The following MUC5B variants were observed in gnomAD, a reference collection of about 807,000 sequenced individuals.
The protein encoded by MUC5B is mucin-5B.
In MUC5B, 116 loss-of-function variants were observed where a neutral mutation model predicts 376.9. The observed-to-expected ratio is 0.31, with a 90% CI of 0.26 to 0.36. The LOEUF is 0.36. Among genes scored for constraint, MUC5B ranks in the 10% least tolerant of loss-of-function variants. The pLI is 1.00. For missense variants in MUC5B, 7,165 were observed against 7,769.9 expected (o/e 0.92, Z 2.93); for synonymous variants, 3,517 against 3,390.9 (o/e 1.04, Z -1.29).
In MUC5B at chr11:1,249,171, G is replaced by C. The variant is rs201512746; in HGVS notation, c.12291G>C (p.Thr4097=). ...ACACCACGGCCACCTCCAGGACCAC[G>C]GCCACGGCCACACCCAGCAAGACCC... is the stretch of plus-strand genomic sequence containing the variant. ...PGHTTATSRT[T]ATATPSKTRT... is the part of the protein sequence containing the mutation. The change falls in exon 31 of 49, where the codon ACG becomes ACC. Residue 4097 remains threonine (T), a synonymous_variant. Transcript: ENST00000529681. 6.7e-7 allele frequency: 1 copy of C among 1,495,024 alleles called. No homozygotes were observed. Among genetic ancestry groups the C allele is most frequent in the African/African-American group, 1.4e-5 (1 of 69,916 alleles). 92.6% of individuals were successfully genotyped at this position (1,495,024 alleles called of 1,614,324 possible).
Position 1,261,863 on chromosome 11 carries a change from C to T in MUC5B, c.*255C>T. The T allele has an allele frequency of 1.5e-6, 1 of 686,368 alleles. No homozygotes were observed. Among genetic ancestry groups the T allele is most frequent in the Non-Finnish European group, 2.7e-6 (1 of 374,934 alleles). The allele number at this position is 686,368 out of a possible 1,614,324, so 42.5% of individuals were successfully genotyped here. ...TGTGGCCCACCTTGGCCTTGCCCCT[C>T]CCTGATGTCACTGGGACGCCCTGGA... On this transcript the variant is annotated 3_prime_UTR_variant, in exon 49 of 49. Transcript: ENST00000529681.
Position 1,257,933 on chromosome 11 carries a change from TG to T in MUC5B, c.16451-163del, listed in dbSNP as rs1862888206. ...CCTGCCCAGGAGTGGCCCAGGGACG[TG>T]GGAAGCAGCGGGGAGGTGGCCAAGC... is the stretch of plus-strand genomic sequence containing the variant. On this transcript the variant is annotated intron_variant, in intron 41 of 48. Transcript: ENST00000529681. This position sits in a 1 kb window ranked among gnomAD's most constrained non-coding sequence, Gnocchi z 8.9. Among the ~76,000 whole-genome samples, 1 of 151,956 alleles carries T rather than the reference TG, an allele frequency of 6.6e-6. No individual in the cohort carries two copies. The highest frequency in any genetic ancestry group is 2.1e-4 in the South Asian group (1 of 4,798).
rs1236948511 is a variant in MUC5B at position 1,227,368 on chromosome 11, C to T, written c.637C>T (p.Leu213Phe). The T allele has an allele frequency of 6.2e-7, 1 of 1,612,482 alleles. No homozygotes were observed. The highest frequency in any genetic ancestry group is 2.2e-5 in the East Asian group (1 of 44,874). Reference sequence around the variant, plus strand: ...TGGCCTGTGTGGGGACTTCAACGGCCTCCCGGCCTTCAACGAGTTCTATGC... The same window carrying T: ...TGGCCTGTGTGGGGACTTCAACGGCTTCCCGGCCTTCAACGAGTTCTATGC... ...TCGLCGDFNG[L>F]PAFNEFYAHN... Residue 213 changes from leucine (L) to phenylalanine (F), a missense_variant, in exon 6 of 49, where the codon CTC (leucine) becomes TTC (phenylalanine). This residue lies in a region of MUC5B where 640 missense variants were observed against 733.0 expected (regional missense o/e 0.87). Coordinates refer to ENST00000529681, the MANE Select transcript of MUC5B (RefSeq NM_002458.3).
chr11:1,252,451 C>T lies in MUC5B; in HGVS notation c.14972C>T (p.Pro4991Leu), dbSNP rs377111871. Residue 4991 changes from proline (P) to leucine (L), a missense_variant, in exon 32 of 49, where the codon CCG becomes CTG. Physicochemically the swap from Pro to Leu is moderately conservative, Grantham distance 98. This residue lies in a region of MUC5B where 730 missense variants were observed against 592.7 expected (regional missense o/e 1.23). Coordinates refer to ENST00000529681, the MANE Select transcript of MUC5B (RefSeq NM_002458.3). Reference sequence around the variant, plus strand: ...CAGGGCGCCTGTCCCACCTCCCCACCGCCAGTGTCCTCCGCCCCGCTGTCC... The same window carrying T: ...CAGGGCGCCTGTCCCACCTCCCCACTGCCAGTGTCCTCCGCCCCGCTGTCC... Reference protein sequence around the residue: ...RFQGACPTSPPPVSSAPLSSP... With the variant: ...RFQGACPTSPLPVSSAPLSSP... 105 of 1,610,142 alleles carry T rather than the reference C, an allele frequency of 6.5e-5. No individual in the cohort carries two copies. The highest frequency in any genetic ancestry group is 1.2e-4 in the African/African-American group (9 of 74,910).
Position 1,241,036 on chromosome 11 carries a change from C to T in MUC5B, c.4156C>T (p.Pro1386Ser), listed in dbSNP as rs1427795473. 6.2e-7 allele frequency: 1 copy of T among 1,612,628 alleles called. No individual in the cohort carries two copies. The highest frequency in any genetic ancestry group is 1.7e-5 in the Admixed American group (1 of 60,016). Residue 1386 changes from proline to serine, a missense_variant, in exon 31 of 49, where the codon CCC becomes TCC. By Grantham distance (74) the Pro-to-Ser change is moderately conservative (BLOSUM62 -1). This residue lies in a region of MUC5B where 517 missense variants were observed against 545.3 expected (regional missense o/e 0.95). Coordinates refer to ENST00000529681, the MANE Select transcript of MUC5B (RefSeq NM_002458.3). Reference sequence around the variant, plus strand: ...CATCGAGTGCCGGGCGGCGCAGCTTCCCGACATGCCGCTGGAGGAGCTGGG... The same window carrying T: ...CATCGAGTGCCGGGCGGCGCAGCTTTCCGACATGCCGCTGGAGGAGCTGGG... ...ADIECRAAQL[P>S]DMPLEELGQQ... is the part of the protein sequence containing the mutation.
At chr11:1,261,286 C>A in intron 48 of MUC5B, 103 bp from the exon 49 acceptor site, 1 of 1,013,970 alleles carries the variant, frequency 9.9e-7, no homozygotes, top group Non-Finnish European at 1.4e-6. Context: ...CAGAAGGGGG[C>A]GGCCGTCTGG....
At chr11:1,259,889 G>A (rs1290559931) in intron 45 of MUC5B, 47 bp downstream of exon 45, 19 of 1,611,922 alleles carry the variant, frequency 1.2e-5, no homozygotes, top group Non-Finnish European at 1.6e-5. Flanking sequence ...CCTCCCTGGA[G>A]ACCCTCACCC....
chr11:1,250,314 C>A lies in MUC5B; in HGVS notation c.13434C>A (p.Thr4478=). 1 of 1,613,238 alleles carries A rather than the reference C, an allele frequency of 6.2e-7. No individual in the cohort carries two copies. Among genetic ancestry groups the A allele is most frequent in the Admixed American group, 1.7e-5 (1 of 59,982 alleles). The change falls in exon 31 of 49, where the codon ACC becomes ACA. Residue 4478 remains threonine, a synonymous_variant. Transcript: ENST00000529681. ...TASSTQATAG[T]PHVSTTATTP... Reference sequence around the variant, plus strand: ...CCTCCACCCAGGCAACTGCTGGCACCCCACATGTGAGCACCACGGCCACGA... The same window carrying A: ...CCTCCACCCAGGCAACTGCTGGCACACCACATGTGAGCACCACGGCCACGA...
rs922826623 is a variant in MUC5B at position 1,230,209 on chromosome 11, C to A, written c.1359+66C>A. 2.0e-6 allele frequency: 3 copies of A among 1,519,378 alleles called. No individual in the cohort carries two copies. The African/African-American group carries it at 4.2e-5, about 21-fold the overall frequency. The allele number at this position is 1,519,378 out of a possible 1,614,324, so 94.1% of individuals were successfully genotyped here. A position where few individuals can be genotyped will look rare whatever the true frequency, so the allele number is the denominator to read the frequency against. On this transcript the variant is annotated intron_variant, in intron 11 of 48. Coordinates refer to ENST00000529681, the MANE Select transcript of MUC5B (RefSeq NM_002458.3). ...CTGGGACCCTCATGCCACTTCCACC[C>A]AGGGGAGGCCCCCACGATGGTCATA...
chr11:1,242,224 A>G lies in MUC5B; in HGVS notation c.5344A>G (p.Thr1782Ala). Residue 1782 changes from threonine (T) to alanine (A), a missense_variant, in exon 31 of 49, where the codon ACC (threonine) becomes GCC (alanine). Thr to Ala is a moderately conservative substitution (Grantham distance 58). Around this residue, in one of 31 missense-constraint regions of MUC5B, gnomAD observed 897 missense variants for 779.6 expected, o/e 1.15. Coordinates refer to ENST00000529681, the MANE Select transcript of MUC5B (RefSeq NM_002458.3). ...LTNTTTSQGTTRCQPKCEWTE... is the reference protein window; with the variant it reads ...LTNTTTSQGTARCQPKCEWTE... ...TAACACCACCACCAGCCAGGGCACG[A>G]CCCGCTGTCAACCGAAGTGTGAGTG... 1 of 1,613,646 alleles carries G rather than the reference A, an allele frequency of 6.2e-7. No individual in the cohort carries two copies. Among genetic ancestry groups the G allele is most frequent in the Non-Finnish European group, 8.5e-7 (1 of 1,179,864 alleles).
rs1378006240 is a variant in MUC5B at position 1,228,751 on chromosome 11, G to T, written c.962G>T (p.Cys321Phe). The change falls in exon 8 of 49, where the codon TGC becomes TTC. Residue 321 changes from cysteine to phenylalanine, a missense_variant. Physicochemically the swap from Cys to Phe is radical, Grantham distance 205. Transcript: ENST00000529681. ...HAGGQPRNWR[C>F]PELCPRTCPL... ...GGGGGCCAGCCGCGGAACTGGAGGT[G>T]CCCTGAGCTCTGCCGTGAGTGCTCC... 3 of 1,484,604 alleles carry T rather than the reference G, an allele frequency of 2.0e-6. No homozygotes were observed. The highest frequency in any genetic ancestry group is 2.7e-6 in the Non-Finnish European group (3 of 1,115,016). 92.0% of individuals were successfully genotyped at this position (1,484,604 alleles called of 1,614,324 possible). A position where few individuals can be genotyped will look rare whatever the true frequency, so the allele number is the denominator to read the frequency against.
In MUC5B at chr11:1,242,951, C is replaced by A. The variant is rs779071759; in HGVS notation, c.6071C>A (p.Thr2024Asn). Residue 2024 changes from threonine to asparagine, a missense_variant, in exon 31 of 49, where the codon ACC becomes AAC. Coordinates refer to ENST00000529681, the MANE Select transcript of MUC5B (RefSeq NM_002458.3). The part of the protein sequence containing the change: ...PETAHTSTVL[T>N]ATATTTGATG... ...ACTGCCCACACCTCCACAGTGCTTA[C>A]CGCCACGGCCACCACAACTGGGGCC... 3.7e-6 allele frequency: 6 copies of A among 1,613,126 alleles called. No homozygotes were observed. Among genetic ancestry groups the A allele is most frequent in the Non-Finnish European group, 5.1e-6 (6 of 1,179,320 alleles).
At position 1,241,901 on chromosome 11, in the gene MUC5B, C is replaced by T; in HGVS notation, c.5021C>T (p.Pro1674Leu). The change falls in exon 31 of 49, where the codon CCC (proline) becomes CTC (leucine). Residue 1674 changes from proline (P) to leucine (L), a missense_variant. Transcript: ENST00000529681. ...STLGTATTGG[P>L]TTPAGSTEPT... Reference sequence around the variant, plus strand: ...CTTGGTACAGCCACCACGGGAGGCCCCACGACGCCTGCAGGCTCCACAGAA... The same window carrying T: ...CTTGGTACAGCCACCACGGGAGGCCTCACGACGCCTGCAGGCTCCACAGAA... 1 of 1,611,208 alleles carries T rather than the reference C, an allele frequency of 6.2e-7. No homozygotes were observed. Among genetic ancestry groups the T allele is most frequent in the Non-Finnish European group, 8.5e-7 (1 of 1,178,870 alleles).
rs567271414 is a variant in MUC5B, at chr11:1,245,950, G to C, written c.9070G>C (p.Val3024Leu). 6.9e-5 allele frequency: 111 copies of C among 1,612,708 alleles called. 2 individuals are homozygous for C. The highest frequency in any genetic ancestry group is 6.6e-4 in the Middle Eastern group (4 of 6,084). ...STPGTAPPPK[V>L]LTSTATTPTA... Reference sequence around the variant, plus strand: ...CCCGGGAACAGCTCCCCCTCCCAAAGTGCTGACCAGCACGGCCACCACACC... The same window carrying C: ...CCCGGGAACAGCTCCCCCTCCCAAACTGCTGACCAGCACGGCCACCACACC... The change falls in exon 31 of 49, where the codon GTG (valine) becomes CTG (leucine). Residue 3024 changes from valine (V) to leucine (L), a missense_variant. Val to Leu is a conservative substitution (Grantham distance 32). Coordinates refer to ENST00000529681, the MANE Select transcript of MUC5B (RefSeq NM_002458.3).
At chr11:1,260,329 C>T in intron 46 of MUC5B, 22 bp from the exon 47 acceptor site, 1 of 1,611,812 alleles carries the variant, frequency 6.2e-7, no homozygotes, top group Non-Finnish European at 8.5e-7. Context: ...CAGCCCTGCC[C>T]CCTGTCTTTG....
chr11:1,242,164 A>G lies in MUC5B; in HGVS notation c.5284A>G (p.Thr1762Ala). 1.2e-6 allele frequency: 2 copies of G among 1,613,486 alleles called. No individual in the cohort carries two copies. The highest frequency in any genetic ancestry group is 1.6e-4 in the Middle Eastern group (1 of 6,062). The change falls in exon 31 of 49, where the codon ACG (threonine) becomes GCG (alanine). Residue 1762 changes from threonine to alanine, a missense_variant. Thr to Ala is a moderately conservative substitution (Grantham distance 58). This residue lies in a region of MUC5B where 897 missense variants were observed against 779.6 expected (regional missense o/e 1.15). Transcript: ENST00000529681. ...GTCCACCTCTCAGGCCGAGACCAGC[A>G]CGCCCAGGACAGAGACGACAATGAG... ...ELSTSQAETS[T>A]PRTETTMSPL...
Position 1,242,776 on chromosome 11 carries a change from C to T in MUC5B, c.5896C>T (p.Pro1966Ser), listed in dbSNP as rs748620742. 8.7e-6 allele frequency: 14 copies of T among 1,613,152 alleles called. No individual in the cohort carries two copies. The South Asian group carries it at 1.3e-4, about 15-fold the overall frequency. The change falls in exon 31 of 49, where the codon CCA becomes TCA. Residue 1966 changes from proline to serine, a missense_variant. By Grantham distance (74) the Pro-to-Ser change is moderately conservative. Around this residue, in one of 31 missense-constraint regions of MUC5B, gnomAD observed 897 missense variants for 779.6 expected, o/e 1.15. Transcript: ENST00000529681. Reference sequence around the variant, plus strand: ...CAGTCCAGGGACTGCAACCGCCCTTCCAGCACTGAGAAGCACAGCCACCAC... The same window carrying T: ...CAGTCCAGGGACTGCAACCGCCCTTTCAGCACTGAGAAGCACAGCCACCAC... The part of the protein sequence containing the change: ...SSSPGTATAL[P>S]ALRSTATTPT...
Position 1,234,056 on chromosome 11 carries a change from G to A in MUC5B, c.2378-149G>A. 5.0e-6 allele frequency: 4 copies of A among 803,998 alleles called. No individual in the cohort carries two copies. The highest frequency in any genetic ancestry group is 8.2e-6 in the Non-Finnish European group (4 of 488,128). 49.8% of individuals were successfully genotyped at this position (803,998 alleles called of 1,614,324 possible). ...CTCTGCCCCGCAGTGTGGCCGGGGTGTCCTGGGGTTGGGGGCTGCAGGTGT... is the reference window on the plus strand; with the variant it reads ...CTCTGCCCCGCAGTGTGGCCGGGGTATCCTGGGGTTGGGGGCTGCAGGTGT... On this transcript the variant is annotated intron_variant, in intron 19 of 48. Coordinates refer to ENST00000529681, the MANE Select transcript of MUC5B (RefSeq NM_002458.3). The surrounding 1 kb of genome is among the most constrained non-coding windows in gnomAD (Gnocchi z 6.3).
In MUC5B at chr11:1,241,907, C is replaced by T. The variant is rs555536642; in HGVS notation, c.5027C>T (p.Thr1676Met). ...LGTATTGGPT[T>M]PAGSTEPTVP... The stretch of plus-strand genomic sequence containing the variant: ...ACAGCCACCACGGGAGGCCCCACGA[C>T]GCCTGCAGGCTCCACAGAACCCACT... The change falls in exon 31 of 49, where the codon ACG (threonine) becomes ATG (methionine). Residue 1676 changes from threonine to methionine, a missense_variant. Around this residue, in one of 31 missense-constraint regions of MUC5B, gnomAD observed 897 missense variants for 779.6 expected, o/e 1.15. Transcript: ENST00000529681. The T allele has an allele frequency of 3.0e-5, 49 of 1,610,536 alleles. No homozygotes were observed. The highest frequency in any genetic ancestry group is 1.7e-4 in the Middle Eastern group (1 of 6,058).
Sources: gnomAD v4.1 joint callset for allele counts (sites outside exome capture counted in the v4.1 genomes callset) on GRCh38, gnomAD v4.1.1 for gene constraint, gnomAD v4.1.1 regional missense constraint, Gnocchi (gnomAD v3.1) non-coding constraint, MANE v1.5 for transcripts, NCBI Gene and HGNC (gene_info 2026-07-23, HGNC 2026-07-21) for gene names.